The following CDH12 variants were observed in gnomAD, a reference collection of about 807,000 sequenced individuals.
The protein encoded by CDH12 is cadherin-12.
A neutral mutation model predicts 74.1 loss-of-function variants in CDH12; 41 were observed. The ratio of observed to expected loss-of-function variants is 0.55; its 90% CI spans 0.43 to 0.72. The LOEUF (loss-of-function observed/expected upper bound fraction) is 0.72, where lower values mean the gene tolerates loss of function less well. Ranked by LOEUF, CDH12 falls within the 30% of genes least tolerant of loss-of-function variation. The pLI, the probability that CDH12 is intolerant of heterozygous loss-of-function variation, is 0.00. For missense variants in CDH12, 945 were observed against 977.2 expected (o/e 0.97, Z 0.44); for synonymous variants, 399 against 355.0 (o/e 1.12, Z -1.39).
At chr5:22,300,377 T>G (rs1047231877) in intron 3 of CDH12, among the ~76,000 whole-genome samples, 5 of 152,066 alleles carry the variant, frequency 3.3e-5, no homozygotes, top group African/African-American at 7.3e-5. Flanking sequence ...AAAGACTGTC[T>G]AATATTAGCC....
At position 22,361,451 on chromosome 5, in the gene CDH12, C is replaced by G. The variant is rs1391168898; in HGVS notation, c.-333+43806G>C. 2.6e-5 allele frequency among the ~76,000 whole-genome samples: 4 copies of G among 152,262 alleles called. No individual in the cohort carries two copies. The East Asian group carries it at 7.7e-4, about 29-fold the overall frequency. On this transcript the variant is annotated intron_variant, in intron 3 of 14. Coordinates refer to ENST00000382254, the MANE Select transcript of CDH12 (RefSeq NM_004061.5). ...AAGAGGACACAAACAAATGGAAGAA[C>G]ATTCCATGCTCATGGATAGGAAGAA...
intron 1 of CDH12, among the ~76,000 whole-genome samples, chr5:22,851,742 T>C (rs1443028964): frequency 6.6e-6 from 1 of 152,194 alleles, no homozygotes; most frequent in Non-Finnish European, 1.5e-5. Context: ...CTTTCAATTC[T>C]GAAGAGACAT....
chr5:22,415,321 G>T lies in CDH12; in HGVS notation c.-427-9970C>A, dbSNP rs57596136. Among the ~76,000 whole-genome samples the T allele has an allele frequency of 8.4e-3, 1,285 of 152,156 alleles. 18 individuals carry two copies. The highest frequency in any genetic ancestry group is 0.03 in the African/African-American group (1,235 of 41,510). On this transcript the variant is annotated intron_variant, in intron 2 of 14. Transcript: ENST00000382254. ...AGAACAAGCTGTCCACAGTATTAGAGAATAACTCAATATTGCTTTATGGTA... is the reference window on the plus strand; with the variant it reads ...AGAACAAGCTGTCCACAGTATTAGATAATAACTCAATATTGCTTTATGGTA...
chr5:22,445,253 C>T (rs1472023028), intron 2 of CDH12, among the ~76,000 whole-genome samples: 2 of 152,024 alleles, frequency 1.3e-5, no homozygotes, highest in Admixed American at 6.6e-5. Flanking sequence ...ATACAGCCCC[C>T]ACCTCCAAAA....
At chr5:21,914,854 A>G (rs1045205152) in intron 6 of CDH12, among the ~76,000 whole-genome samples, 17 of 152,224 alleles carry the variant, frequency 1.1e-4, no homozygotes, top group East Asian at 3.9e-4. Context: ...CATGAAATTA[A>G]TCATCACATG....
At chr5:22,540,876 T>TTA (rs1219766886) in intron 1 of CDH12, among the ~76,000 whole-genome samples, 2 of 152,128 alleles carry the variant, frequency 1.3e-5, no homozygotes, top group African/African-American at 4.8e-5. Flanking sequence ...ACATATGCAT[T>TTA]TATATATATA....
chr5:22,611,825 A>C (rs951148651), intron 1 of CDH12, among the ~76,000 whole-genome samples: 3 of 152,120 alleles, frequency 2.0e-5, no homozygotes, highest in East Asian at 3.9e-4. Context: ...GGCAAAGATT[A>C]GGACACAGAA....
At chr5:22,784,512 T>C (rs1237328200) in intron 1 of CDH12, among the ~76,000 whole-genome samples, 2 of 152,138 alleles carry the variant, frequency 1.3e-5, no homozygotes, top group Non-Finnish European at 2.9e-5. Flanking sequence ...ATTAAATTGG[T>C]CACCACTAAC....
intron 3 of CDH12, among the ~76,000 whole-genome samples, chr5:22,254,378 T>C (rs1471494135): frequency 6.6e-6 from 1 of 151,908 alleles, no homozygotes; most frequent in Non-Finnish European, 1.5e-5. Context: ...AGTAAGCATA[T>C]TAATGAGTAT....
chr5:21,755,610 T>G lies in CDH12; in HGVS notation c.1866A>C (p.Leu622=). The part of the protein sequence containing the change: ...LSTGALIAIL[L]CIVILLAIVV... The stretch of plus-strand genomic sequence containing the variant: ...ACCAACCTAAGAGTATAACAATGCA[T>G]AGTAGAATTGCAATCAACGCCCCAG... Residue 622 remains leucine, a synonymous_variant, in exon 14 of 15, where the codon CTA becomes CTC. Coordinates refer to ENST00000382254, the MANE Select transcript of CDH12 (RefSeq NM_004061.5). 1 of 1,613,920 alleles carries G rather than the reference T, an allele frequency of 6.2e-7. No homozygotes were observed. The highest frequency in any genetic ancestry group is 8.5e-7 in the Non-Finnish European group (1 of 1,179,880).
intron 9 of CDH12, 91 bp downstream of exon 9, chr5:21,816,854 A>AAATTAAAATTACTTGTCATTTTC: frequency 1.0e-6 from 1 of 953,240 alleles, no homozygotes; most frequent in Non-Finnish European, 1.5e-6. Context: ...AATTGAAGGA[A>AAATTAAAATTACTTGTCATTTTC]AATTAAAATT....
At chr5:21,844,051 A>G (rs1003989088) in intron 7 of CDH12, among the ~76,000 whole-genome samples, 4 of 152,158 alleles carry the variant, frequency 2.6e-5, no homozygotes, top group African/African-American at 9.6e-5. Flanking sequence ...CTATATCTAT[A>G]TATCTATCTG....
chr5:22,804,400 T>TG (rs768305130), intron 1 of CDH12, among the ~76,000 whole-genome samples: 53 of 151,758 alleles, frequency 3.5e-4, no homozygotes, highest in Admixed American at 9.9e-4. Flanking sequence ...GAGAGAAGGA[T>TG]GGGGGGGAGA....
At chr5:21,756,452 C>CA (rs1293130807) in intron 13 of CDH12, among the ~76,000 whole-genome samples, 2 of 152,040 alleles carry the variant, frequency 1.3e-5, no homozygotes, top group Non-Finnish European at 2.9e-5. Flanking sequence ...ACAATGACTA[C>CA]TTTAATATGA....
chr5:22,683,695 A>T (rs148658481), intron 1 of CDH12, among the ~76,000 whole-genome samples: 7 of 152,356 alleles, frequency 4.6e-5, no homozygotes, highest in African/African-American at 1.7e-4. Flanking sequence ...TTTTCGCTAA[A>T]GAAGAAATTG....
At chr5:21,995,110 T>G (rs1385493365) in intron 5 of CDH12, among the ~76,000 whole-genome samples, 1 of 151,912 alleles carries the variant, frequency 6.6e-6, no homozygotes, top group Admixed American at 6.6e-5. Context: ...TCCAGACACA[T>G]CTGAACATTG....
At chr5:22,110,723 G>T (rs1271084225) in intron 4 of CDH12, among the ~76,000 whole-genome samples, 2 of 152,160 alleles carry the variant, frequency 1.3e-5, no homozygotes, top group African/African-American at 4.8e-5. Context: ...TGCAAATCTT[G>T]TGACCTTGGG....
At chr5:21,849,192 C>G (rs1750335831) in intron 7 of CDH12, among the ~76,000 whole-genome samples, 1 of 151,850 alleles carries the variant, frequency 6.6e-6, no homozygotes, top group Non-Finnish European at 1.5e-5. Flanking sequence ...TCCTCTCAAG[C>G]AGCACAGAAT....
At chr5:22,650,940 T>C (rs941133342) in intron 1 of CDH12, among the ~76,000 whole-genome samples, 12 of 152,066 alleles carry the variant, frequency 7.9e-5, no homozygotes, top group African/African-American at 2.9e-4. Flanking sequence ...TAACTGTTAA[T>C]ATCCATGTTG....
Sources: allele counts gnomAD v4.1 joint callset (sites outside exome capture counted in the v4.1 genomes callset), GRCh38; gene constraint gnomAD v4.1.1; transcripts MANE v1.5; gene names NCBI Gene and HGNC (gene_info 2026-07-23, HGNC 2026-07-21).